The following ANO6 variants were observed in gnomAD, a reference collection of about 807,000 sequenced individuals.
ANO6 encodes the protein anoctamin 6.
ANO6 carries 106 observed loss-of-function variants against 117.5 expected under a neutral mutation model. The observed-to-expected ratio is 0.90, with a 90% CI of 0.77 to 1.06. The LOEUF (loss-of-function observed/expected upper bound fraction) is 1.06. Among genes scored for constraint, ANO6 ranks in the 50% least tolerant of loss-of-function variants. The probability of loss-of-function intolerance (pLI) is 0.00; values close to 1 mark genes in which losing one functional copy is unlikely to be tolerated. For missense variants in ANO6, 955 were observed against 1,121.1 expected (o/e 0.85, Z 2.12); for synonymous variants, 367 against 385.1 (o/e 0.95, Z 0.55).
intron 1 of ANO6, among the ~76,000 whole-genome samples, chr12:45,236,976 C>T (rs376277303): frequency 5.9e-5 from 9 of 152,274 alleles, no homozygotes; most frequent in African/African-American, 7.2e-5. Flanking sequence ...TCTCTGATGA[C>T]GGGGGATGAT....
rs1943605107 is a variant in ANO6 at position 45,430,465 on chromosome 12, A to G, written c.*1154A>G. 15 of 985,450 alleles carry G rather than the reference A, an allele frequency of 1.5e-5. No individual in the cohort carries two copies. Among genetic ancestry groups the G allele is most frequent in the Non-Finnish European group, 1.8e-5 (15 of 829,948 alleles). The allele number at this position is 985,450 out of a possible 1,614,324, so 61.0% of individuals were successfully genotyped here. A position where few individuals can be genotyped will look rare whatever the true frequency, so the allele number is the denominator to read the frequency against. ...TGATCAACACACCAAAGTCTCTGCC[A>G]TAAAGAATGTGGCTTCCTTGCATCC... On this transcript the variant is annotated 3_prime_UTR_variant, in exon 20 of 20. Coordinates refer to ENST00000320560, the MANE Select transcript of ANO6 (RefSeq NM_001025356.3).
At chr12:45,285,307 G>T (rs549695522) in intron 1 of ANO6, among the ~76,000 whole-genome samples, 16 of 152,318 alleles carry the variant, frequency 1.1e-4, no homozygotes, top group African/African-American at 3.6e-4. Flanking sequence ...ACTAGCACCT[G>T]AATATAATTT....
In ANO6 at chr12:45,331,148, T is replaced by C. The variant is rs918938231; in HGVS notation, c.151-147T>C. ...TAGACCATGTTTGCCATGTCAGTCA[T>C]AGTGGCCATGACTGTTTGGTAAGCT... On this transcript the variant is annotated intron_variant, in intron 2 of 19. Coordinates refer to ENST00000320560, the MANE Select transcript of ANO6 (RefSeq NM_001025356.3). 1.2e-5 allele frequency: 8 copies of C among 656,258 alleles called. No individual in the cohort carries two copies. In the Admixed American group the frequency reaches 1.5e-4, roughly 12 times the overall value. The allele number at this position is 656,258 out of a possible 1,614,324, so 40.7% of individuals were successfully genotyped here. A position where few individuals can be genotyped will look rare whatever the true frequency, so the allele number is the denominator to read the frequency against.
At chr12:45,242,991 A>G (rs1294645457) in intron 1 of ANO6, among the ~76,000 whole-genome samples, 3 of 152,206 alleles carry the variant, frequency 2.0e-5, no homozygotes, top group Admixed American at 6.5e-5. Flanking sequence ...TTTATTTTCT[A>G]TAAGTAATGA....
At chr12:45,266,116 A>T (rs146564363) in intron 1 of ANO6, among the ~76,000 whole-genome samples, 1 of 152,326 alleles carries the variant, frequency 6.6e-6, no homozygotes, top group African/African-American at 2.4e-5. Context: ...CTGTAGCCTG[A>T]ACTGCCTGTA....
At chr12:45,298,470 A>G (rs1220247296) in intron 1 of ANO6, among the ~76,000 whole-genome samples, 1 of 152,214 alleles carries the variant, frequency 6.6e-6, no homozygotes, top group African/African-American at 2.4e-5. Flanking sequence ...TTAGATTACC[A>G]TAAATGAGAA....
chr12:45,283,954 C>T (rs932627955), intron 1 of ANO6, among the ~76,000 whole-genome samples: 3 of 152,148 alleles, frequency 2.0e-5, no homozygotes, highest in Admixed American at 2.0e-4. Context: ...GAAAACTTCC[C>T]CTTTGCTTTC....
chr12:45,346,498 T>A (rs1466570047), intron 3 of ANO6, among the ~76,000 whole-genome samples: 1 of 152,184 alleles, frequency 6.6e-6, no homozygotes, highest in African/African-American at 2.4e-5. Context: ...AAAAAAATTA[T>A]CTGAATTTTG....
chr12:45,295,519 T>C (rs956720843), intron 1 of ANO6, among the ~76,000 whole-genome samples: 2 of 152,268 alleles, frequency 1.3e-5, no homozygotes, highest in South Asian at 2.1e-4. Flanking sequence ...TGGTGGGCCC[T>C]GTATGTGGCT....
At chr12:45,222,857 G>C (rs1458953881) in intron 1 of ANO6, among the ~76,000 whole-genome samples, 1 of 152,296 alleles carries the variant, frequency 6.6e-6, no homozygotes, top group South Asian at 2.1e-4. Flanking sequence ...GATCAGACAG[G>C]CCTTGCTGGG....
At position 45,375,546 on chromosome 12, in the gene ANO6, C is replaced by T. The variant is rs865803110; in HGVS notation, c.1105-2507C>T. 9.3e-3 allele frequency among the ~76,000 whole-genome samples: 1,405 copies of T among 151,778 alleles called. 12 individuals carry two copies. Among genetic ancestry groups the T allele is most frequent in the African/African-American group, 0.032 (1,318 of 41,102 alleles). On this transcript the variant is annotated intron_variant, in intron 9 of 19. Transcript: ENST00000320560. ...AACAGAACAGAGCCCTCAGAAATAA[C>T]GCCACATATCTACAACCATCTGATC...
chr12:45,266,463 C>T (rs1938218996), intron 1 of ANO6, among the ~76,000 whole-genome samples: 1 of 152,120 alleles, frequency 6.6e-6, no homozygotes, highest in African/African-American at 2.4e-5. Flanking sequence ...TTTTTCCATA[C>T]TTGTTTTAAA....
At chr12:45,334,677 A>G (rs1940773764) in intron 3 of ANO6, among the ~76,000 whole-genome samples, 1 of 152,026 alleles carries the variant, frequency 6.6e-6, no homozygotes, top group Middle Eastern at 3.2e-3. Context: ...AGAATACCTA[A>G]AGAACAAGCA....
chr12:45,435,276 G>A (rs1425157355), downstream of ANO6, among the ~76,000 whole-genome samples: 1 of 152,146 alleles, frequency 6.6e-6, no homozygotes, highest in Non-Finnish European at 1.5e-5. Context: ...CCAGTCATGG[G>A]CAACTAATTG....
At chr12:45,360,483 C>A (rs2137484795) in intron 8 of ANO6, among the ~76,000 whole-genome samples, 1 of 152,356 alleles carries the variant, frequency 6.6e-6, no homozygotes, top group South Asian at 2.1e-4. Context: ...TATTACCACA[C>A]TGGCAATACC....
intron 15 of ANO6, among the ~76,000 whole-genome samples, chr12:45,407,342 A>G (rs1812541574): frequency 6.6e-6 from 1 of 152,170 alleles, no homozygotes; most frequent in Non-Finnish European, 1.5e-5. Context: ...GAGGGCATGG[A>G]AAGGATTCAG....
At chr12:45,221,061 G>GGC (rs1555156321) in intron 1 of ANO6, among the ~76,000 whole-genome samples, 9 of 151,802 alleles carry the variant, frequency 5.9e-5, no homozygotes, top group African/African-American at 2.2e-4. Flanking sequence ...GTCGGAAGTG[G>GGC]GGGGGGGCAG....
exon 20 of ANO6, chr12:45,439,827 T>C: frequency 6.5e-7 from 1 of 1,543,084 alleles, no homozygotes; most frequent in East Asian, 2.4e-5. Flanking sequence ...ACTCCCTCTA[T>C]TATATATTTT....
intron 2 of ANO6, among the ~76,000 whole-genome samples, chr12:45,330,040 A>T (rs144816914): frequency 7.4e-4 from 113 of 152,236 alleles, no homozygotes; most frequent in Middle Eastern, 3.4e-3. Context: ...TGGATAGGAA[A>T]GGTCTCATGG....
Sources: allele counts gnomAD v4.1 joint callset (sites outside exome capture counted in the v4.1 genomes callset), GRCh38; gene constraint gnomAD v4.1.1; transcripts MANE v1.5; gene names NCBI Gene and HGNC (gene_info 2026-07-23, HGNC 2026-07-21).